SMOC2: variants seen among roughly 807,000 people sequenced by gnomAD.
The protein encoded by SMOC2 is SPARC-related modular calcium-binding protein 2.
Under a neutral mutation model 61.4 loss-of-function variants are expected in SMOC2, and 39 were observed. That is an observed-to-expected ratio of 0.64 (90% CI 0.49 to 0.83). The LOEUF (loss-of-function observed/expected upper bound fraction) is 0.83, where lower values mean the gene tolerates loss of function less well. Ranked by LOEUF, SMOC2 falls within the 40% of genes least tolerant of loss-of-function variation. SMOC2 has a pLI of 0.00. For synonymous variants in SMOC2, 247 were observed against 239.9 expected (o/e 1.03, Z -0.27); for missense variants, 556 against 592.9 (o/e 0.94, Z 0.65).
chr6:168,534,248 A>G (rs1025474901), intron 4 of SMOC2, among the ~76,000 whole-genome samples: 1 of 152,254 alleles, frequency 6.6e-6, no homozygotes, highest in Non-Finnish European at 1.5e-5. Context: ...GTAATTTGAT[A>G]CAGCCAACAC....
intron 11 of SMOC2, among the ~76,000 whole-genome samples, chr6:168,659,981 A>AGGGTGGAGGTTGTAGGTAGG (rs1787464580): frequency 1.3e-4 from 1 of 7,828 alleles, no homozygotes; most frequent in Admixed American, 1.3e-3. Flanking sequence ...TTATAGGCTG[A>AGGGTGGAGGTTGTAGGTAGG]GTGAGGGTGG....
At chr6:168,573,998 G>A (rs1450592799) in intron 7 of SMOC2, among the ~76,000 whole-genome samples, 1 of 152,244 alleles carries the variant, frequency 6.6e-6, no homozygotes, top group Non-Finnish European at 1.5e-5. Flanking sequence ...GGAGGGATGG[G>A]TGGACCCGGG....
At chr6:168,547,647 G>A (rs1287941019) in intron 6 of SMOC2, among the ~76,000 whole-genome samples, 1 of 152,094 alleles carries the variant, frequency 6.6e-6, no homozygotes, top group Non-Finnish European at 1.5e-5. Flanking sequence ...AAGTAACTGT[G>A]AGATGCTGGG....
chr6:168,575,014 C>G (rs1784763040), intron 7 of SMOC2, among the ~76,000 whole-genome samples: 1 of 152,186 alleles, frequency 6.6e-6, no homozygotes, highest in South Asian at 2.1e-4. Context: ...CAAGAAGTCT[C>G]TTTAGGTATT....
intron 7 of SMOC2, among the ~76,000 whole-genome samples, chr6:168,561,960 A>G (rs1225255647): frequency 3.9e-5 from 1 of 25,464 alleles, no homozygotes; most frequent in Non-Finnish European, 6.2e-5. Flanking sequence ...ACCCTGAGAC[A>G]CGAGGCTCTC....
intron 1 of SMOC2, among the ~76,000 whole-genome samples, chr6:168,500,013 A>C (rs971416363): frequency 2.0e-5 from 3 of 152,124 alleles, no homozygotes; most frequent in South Asian, 2.1e-4. Context: ...AGGCTAACAG[A>C]GATGAAGTCC....
chr6:168,558,915 G>A (rs1043877470), intron 7 of SMOC2, among the ~76,000 whole-genome samples: 4 of 152,028 alleles, frequency 2.6e-5, no homozygotes, highest in African/African-American at 9.7e-5. Flanking sequence ...ACGTGTGTAT[G>A]TGTGCTTGTG....
In SMOC2 at chr6:168,552,600, C is replaced by G. The variant is rs367943668; in HGVS notation, c.637+3397C>G. ...ATGCATCCAAATGCCCATGTGCACA[C>G]TAGCAAGATGTGGTCACATATGCTT... On this transcript the variant is annotated intron_variant, in intron 7 of 12. Transcript: ENST00000356284. Among the ~76,000 whole-genome samples the G allele has an allele frequency of 2.2e-4, 33 of 152,322 alleles. 1 individual carries two copies. Among genetic ancestry groups the G allele is most frequent in the East Asian group, 1.7e-3 (9 of 5,194 alleles).
chr6:168,498,566 T>TA (rs1187903196), intron 1 of SMOC2, among the ~76,000 whole-genome samples: 1 of 152,226 alleles, frequency 6.6e-6, no homozygotes, highest in African/African-American at 2.4e-5. Flanking sequence ...CCTGGAATGG[T>TA]AGGGGAGCCG....
intron 2 of SMOC2, among the ~76,000 whole-genome samples, 188 bp downstream of exon 2, chr6:168,510,274 T>C (rs1329573139): frequency 1.3e-5 from 2 of 152,246 alleles, no homozygotes; most frequent in African/African-American, 4.8e-5. Flanking sequence ...TTTACTTGTC[T>C]AATATTCTTT....
At chr6:168,642,561 G>A (rs181838474) in intron 9 of SMOC2, among the ~76,000 whole-genome samples, 6 of 152,280 alleles carry the variant, frequency 3.9e-5, no homozygotes, top group Admixed American at 2.6e-4. Context: ...CGTACCTGTC[G>A]TGAGGAAACT....
chr6:168,510,313 G>A (rs111766983), intron 2 of SMOC2, among the ~76,000 whole-genome samples: 3 of 152,108 alleles, frequency 2.0e-5, no homozygotes, highest in Non-Finnish European at 4.4e-5. Flanking sequence ...CACCATGAAA[G>A]AAATTTATCC....
At chr6:168,469,583 A>G (rs1423147274) in intron 1 of SMOC2, among the ~76,000 whole-genome samples, 1 of 152,218 alleles carries the variant, frequency 6.6e-6, no homozygotes, top group Admixed American at 6.5e-5. Context: ...AGCAATTCAA[A>G]TCATCGTGCA....
chr6:168,579,924 A>C (rs1784885299), intron 7 of SMOC2, among the ~76,000 whole-genome samples: 3 of 152,212 alleles, frequency 2.0e-5, no homozygotes, highest in African/African-American at 7.2e-5. Flanking sequence ...AGAAATGTGG[A>C]AAGTTGGCCT....
chr6:168,524,627 C>T (rs146805159), intron 2 of SMOC2, among the ~76,000 whole-genome samples: 1 of 152,218 alleles, frequency 6.6e-6, no homozygotes, highest in African/African-American at 2.4e-5. Flanking sequence ...CCTTTTTAGA[C>T]AGTCAAAACC....
intron 1 of SMOC2, among the ~76,000 whole-genome samples, chr6:168,455,892 AG>A (rs1350269133): frequency 6.6e-6 from 1 of 152,254 alleles, no homozygotes; most frequent in Admixed American, 6.5e-5. Flanking sequence ...TTAGAGGACT[AG>A]GGTGACCCGC....
At chr6:168,581,281 A>G (rs1345967046) in intron 7 of SMOC2, among the ~76,000 whole-genome samples, 1 of 152,212 alleles carries the variant, frequency 6.6e-6, no homozygotes, top group Admixed American at 6.5e-5. Context: ...GCTGAAGACA[A>G]CATGCGTAAA....
chr6:168,525,350 G>A (rs1015165164), intron 2 of SMOC2, among the ~76,000 whole-genome samples: 1 of 152,166 alleles, frequency 6.6e-6, no homozygotes, highest in Non-Finnish European at 1.5e-5. Flanking sequence ...TCACTCCCTG[G>A]GCTGGAAGGC....
chr6:168,526,088 C>G (rs1230338564), intron 2 of SMOC2, among the ~76,000 whole-genome samples: 2 of 152,204 alleles, frequency 1.3e-5, no homozygotes, highest in African/African-American at 4.8e-5. Flanking sequence ...TGTTCTTCCT[C>G]ACTCAATGTG....
Sources: gnomAD v4.1 joint callset for allele counts (sites outside exome capture counted in the v4.1 genomes callset) on GRCh38, gnomAD v4.1.1 for gene constraint, MANE v1.5 for transcripts, NCBI Gene and HGNC (gene_info 2026-07-23, HGNC 2026-07-21) for gene names.